PKD2L1: variants seen among roughly 807,000 people sequenced by gnomAD.
PKD2L1 encodes polycystin 2 like 1, transient receptor potential cation channel.
In PKD2L1, 77 loss-of-function variants were observed where a neutral mutation model predicts 93.0. That is an observed-to-expected ratio of 0.83 (90% CI 0.69 to 1.00). The LOEUF is 1.00. PKD2L1 is among the 50% of genes least tolerant of loss of function. The pLI is 0.00. For missense variants in PKD2L1, 977 were observed against 990.9 expected, an observed-to-expected ratio of 0.99 and a Z score of 0.19; for synonymous variants, 390 against 388.0, an observed-to-expected ratio of 1.01 and a Z score of -0.06.
intron 14 of PKD2L1, 79 bp downstream of exon 14, chr10:100,289,936 C>G (rs1469271835): frequency 1.3e-6 from 2 of 1,530,532 alleles, no homozygotes; most frequent in South Asian, 1.1e-5. Flanking sequence ...CAAAAATGTT[C>G]TTGCCCCACC....
intron 2 of PKD2L1, among the ~76,000 whole-genome samples, chr10:100,309,423 T>C (rs1055924963): frequency 6.6e-6 from 1 of 152,230 alleles, no homozygotes; most frequent in South Asian, 2.1e-4. Context: ...TTTGTCTGTA[T>C]GTTTCCAAGT....
chr10:100,297,348 G>T, intron 5 of PKD2L1, 34 bp downstream of exon 5: 1 of 1,575,348 alleles, frequency 6.3e-7, no homozygotes, highest in Non-Finnish European at 8.7e-7. Context: ...CAGGAGCCAT[G>T]GACAGGGTGA....
chr10:100,302,987 C>G (rs1464814928), intron 2 of PKD2L1, among the ~76,000 whole-genome samples: 1 of 152,112 alleles, frequency 6.6e-6, no homozygotes, highest in Non-Finnish European at 1.5e-5. Flanking sequence ...CTATAATTTA[C>G]TCTCAAACTT....
chr10:100,306,855 CAA>C (rs61413476), intron 2 of PKD2L1, among the ~76,000 whole-genome samples: 9 of 49,886 alleles, frequency 1.8e-4, no homozygotes, highest in South Asian at 7.2e-4. Context: ...GAGACCCTGT[CAA>C]AAAAAAAAAA....
chr10:100,302,280 C>CACACACACACACACACACAT lies in PKD2L1; in HGVS notation c.350-2563_350-2562insATGTGTGTGTGTGTGTGTGT, dbSNP rs1554916598. ...ATACACACACACACACACACACACACATATCAATTAGAACCTATGGATTCT... is the reference window on the plus strand; with the variant it reads ...ATACACACACACACACACACACACACACACACACACACACACACATATATCAATTAGAACCTATGGATTCT... On this transcript the variant is annotated intron_variant, in intron 2 of 15. Coordinates refer to ENST00000318222, the MANE Select transcript of PKD2L1 (RefSeq NM_016112.3). Among the ~76,000 whole-genome samples, 3 of 150,736 alleles carry CACACACACACACACACACAT rather than the reference C, an allele frequency of 2.0e-5. No individual in the cohort carries two copies. In the East Asian group the frequency reaches 5.9e-4, roughly 29 times the overall value.
chr10:100,328,210 A>T (rs1849420956), intron 2 of PKD2L1, among the ~76,000 whole-genome samples: 1 of 152,242 alleles, frequency 6.6e-6, no homozygotes, highest in Admixed American at 6.5e-5. Context: ...CAAGTCTAAT[A>T]GCATCTGTTT....
At chr10:100,292,708 G>A (rs1415769968) in intron 11 of PKD2L1, among the ~76,000 whole-genome samples, 1 of 152,088 alleles carries the variant, frequency 6.6e-6, no homozygotes, top group Non-Finnish European at 1.5e-5. Context: ...TTATTACATT[G>A]TTTCCTAAGA....
chr10:100,289,877 C>G (rs1213257789), intron 14 of PKD2L1, 138 bp downstream of exon 14: 9 of 1,040,398 alleles, frequency 8.7e-6, no homozygotes, highest in Non-Finnish European at 1.3e-5. Flanking sequence ...TGCTGATACA[C>G]TAACCGCTAT....
chr10:100,297,053 A>T lies in PKD2L1; in HGVS notation c.1112T>A (p.Ile371Asn), dbSNP rs374448826. 6.2e-7 allele frequency: 1 copy of T among 1,613,978 alleles called. No individual in the cohort carries two copies. The highest frequency in any genetic ancestry group is 2.2e-5 in the East Asian group (1 of 44,890). Reference sequence around the variant, plus strand: ...AAGCCGGTGAATGTGGAGCTCCAGGATCTCTTCCACCACATAGTAGAAGAT... The same window carrying T: ...AAGCCGGTGAATGTGGAGCTCCAGGTTCTCTTCCACCACATAGTAGAAGAT... ...VFIFYYVVEE[I>N]LELHIHRLRY... Residue 371 changes from isoleucine to asparagine, a missense_variant, in exon 6 of 16, where the codon ATC becomes AAC. Ile to Asn is a moderately radical substitution (Grantham distance 149). Coordinates refer to ENST00000318222, the MANE Select transcript of PKD2L1 (RefSeq NM_016112.3).
chr10:100,292,568 A>T (rs1340035243), intron 11 of PKD2L1, among the ~76,000 whole-genome samples: 1 of 152,158 alleles, frequency 6.6e-6, no homozygotes, highest in Non-Finnish European at 1.5e-5. Flanking sequence ...TATTTGTTCA[A>T]TGTGTATTAA....
intron 11 of PKD2L1, among the ~76,000 whole-genome samples, chr10:100,292,006 T>C (rs11190456): frequency 0.096 from 14,523 of 151,756 alleles, 717 homozygotes; most frequent in African/African-American, 0.12. Context: ...TGCTTTCATC[T>C]CTTCTTGGAA....
chr10:100,290,758 T>A (rs1036514277), intron 12 of PKD2L1, among the ~76,000 whole-genome samples: 10 of 152,168 alleles, frequency 6.6e-5, no homozygotes, highest in Non-Finnish European at 1.3e-4. Flanking sequence ...GGATGAGGTA[T>A]TTACTAGAGG....
At chr10:100,318,802 A>AG (rs1767332525) in intron 2 of PKD2L1, among the ~76,000 whole-genome samples, 1 of 149,772 alleles carries the variant, frequency 6.7e-6, no homozygotes, top group Admixed American at 6.7e-5. Context: ...TACAGGCGTG[A>AG]GCCACCGCAC....
intron 2 of PKD2L1, among the ~76,000 whole-genome samples, chr10:100,307,333 C>G (rs1043096550): frequency 1.3e-5 from 2 of 152,084 alleles, no homozygotes; most frequent in Non-Finnish European, 2.9e-5. Flanking sequence ...CATAGTAGAC[C>G]GATTGTGTAT....
intron 2 of PKD2L1, among the ~76,000 whole-genome samples, chr10:100,300,597 C>T (rs59579689): frequency 0.013 from 1,944 of 152,148 alleles, 25 homozygotes; most frequent in Middle Eastern, 0.037. Context: ...TTTTTAAATT[C>T]GGTTATGCAT....
chr10:100,314,842 C>T (rs1229502871), intron 2 of PKD2L1, among the ~76,000 whole-genome samples: 2 of 151,646 alleles, frequency 1.3e-5, no homozygotes, highest in Non-Finnish European at 2.9e-5. Context: ...CAAGACCAGC[C>T]TGGCCAACAT....
At chr10:100,298,993 G>A (rs1487949451) in intron 3 of PKD2L1, among the ~76,000 whole-genome samples, 178 bp from the exon 4 acceptor site, 1 of 151,754 alleles carries the variant, frequency 6.6e-6, no homozygotes, top group Non-Finnish European at 1.5e-5. Flanking sequence ...TGTCACCCAG[G>A]CTGGAGTGCA....
chr10:100,324,622 A>C lies in PKD2L1; in HGVS notation c.349+4589T>G, dbSNP rs116002118. 6.9e-3 allele frequency among the ~76,000 whole-genome samples: 1,050 copies of C among 152,330 alleles called. 16 individuals carry two copies. Among genetic ancestry groups the C allele is most frequent in the African/African-American group, 0.024 (999 of 41,570 alleles). ...TGAGGGTTTTGATTTTCGACTAGAT[A>C]ATACAAAGATAACTACTACCAGTGA... On this transcript the variant is annotated intron_variant, in intron 2 of 15. Transcript: ENST00000318222.
chr10:100,315,595 G>C (rs1258865946), intron 2 of PKD2L1, among the ~76,000 whole-genome samples: 1 of 152,058 alleles, frequency 6.6e-6, no homozygotes, highest in Non-Finnish European at 1.5e-5. Context: ...TATGTTATTT[G>C]ACTTTTAAAA....
Sources: allele counts gnomAD v4.1 joint callset (sites outside exome capture counted in the v4.1 genomes callset), GRCh38; gene constraint gnomAD v4.1.1; transcripts MANE v1.5; gene names NCBI Gene and HGNC (gene_info 2026-07-23, HGNC 2026-07-21).